Variants in MYO1D observed in about 807,000 individuals in gnomAD.
MYO1D encodes unconventional myosin-Id.
Under a neutral mutation model 122.0 loss-of-function variants are expected in MYO1D, and 83 were observed. That is an observed-to-expected ratio of 0.68 (90% CI 0.57 to 0.82). The LOEUF is 0.82. MYO1D is among the 40% of genes least tolerant of loss of function. The probability of loss-of-function intolerance (pLI) is 0.00; values close to 1 mark genes in which losing one functional copy is unlikely to be tolerated. For missense variants in MYO1D, 1,157 were observed against 1,269.5 expected, an observed-to-expected ratio of 0.91 and a Z score of 1.35; for synonymous variants, 464 against 446.9, an observed-to-expected ratio of 1.04 and a Z score of -0.48.
intron 21 of MYO1D, among the ~76,000 whole-genome samples, chr17:32,547,302 A>C (rs1460199357): frequency 6.6e-6 from 1 of 152,214 alleles, no homozygotes; most frequent in Non-Finnish European, 1.5e-5. Context: ...CCAGCACCTA[A>C]TGAGTACCTG....
intron 21 of MYO1D, among the ~76,000 whole-genome samples, chr17:32,545,195 T>TG (rs370247738): frequency 2.8e-4 from 42 of 152,338 alleles, no homozygotes; most frequent in African/African-American, 9.9e-4. Flanking sequence ...AGACTCGAGT[T>TG]GGAGTCCTAA....
chr17:32,516,368 G>C (rs757214572), intron 21 of MYO1D, among the ~76,000 whole-genome samples: 2 of 152,122 alleles, frequency 1.3e-5, no homozygotes, highest in Non-Finnish European at 2.9e-5. Context: ...GAAAGGCCCT[G>C]TGGGGGTCTC....
intron 16 of MYO1D, among the ~76,000 whole-genome samples, chr17:32,690,845 C>G (rs181648890): frequency 6.6e-6 from 1 of 152,292 alleles, no homozygotes; most frequent in East Asian, 1.9e-4. Flanking sequence ...ATAAATTACC[C>G]AGCCACAGGT....
chr17:32,569,795 C>G (rs751325214), intron 21 of MYO1D, among the ~76,000 whole-genome samples: 3 of 151,996 alleles, frequency 2.0e-5, no homozygotes, highest in Non-Finnish European at 2.9e-5. Context: ...ATCTTTAGCA[C>G]GTATAACTTG....
intron 20 of MYO1D, among the ~76,000 whole-genome samples, chr17:32,631,265 C>T (rs1313743948): frequency 6.6e-6 from 1 of 152,056 alleles, no homozygotes; most frequent in East Asian, 1.9e-4. Flanking sequence ...CTACCAAGTG[C>T]CATATGATGG....
At chr17:32,644,019 T>C (rs1432577528) in intron 19 of MYO1D, among the ~76,000 whole-genome samples, 1 of 152,208 alleles carries the variant, frequency 6.6e-6, no homozygotes, top group African/African-American at 2.4e-5. Flanking sequence ...GGGTGTCAAG[T>C]TTAGATCTTT....
chr17:32,836,330 A>G (rs772578359), intron 1 of MYO1D, among the ~76,000 whole-genome samples: 29 of 152,184 alleles, frequency 1.9e-4, no homozygotes, highest in Middle Eastern at 3.2e-3. Context: ...TTTTTCCCTC[A>G]GTTTATCAGT....
chr17:32,687,283 G>A (rs564719163), intron 16 of MYO1D, among the ~76,000 whole-genome samples: 4 of 150,184 alleles, frequency 2.7e-5, no homozygotes, highest in East Asian at 2.0e-4. Flanking sequence ...TGCAAGCTCC[G>A]CCTCCTGGGT....
At chr17:32,789,197 T>C (rs2090326808) in intron 1 of MYO1D, among the ~76,000 whole-genome samples, 2 of 152,214 alleles carry the variant, frequency 1.3e-5, no homozygotes, top group South Asian at 4.1e-4. Context: ...AGGTATATGA[T>C]CAGATCTCTG....
chr17:32,656,890 G>A (rs2088484506), intron 17 of MYO1D, among the ~76,000 whole-genome samples: 1 of 152,174 alleles, frequency 6.6e-6, no homozygotes, highest in African/African-American at 2.4e-5. Flanking sequence ...TCTGTTTCCA[G>A]TCTACAAACC....
intron 21 of MYO1D, among the ~76,000 whole-genome samples, chr17:32,511,597 G>T (rs980827824): frequency 2.8e-5 from 4 of 141,808 alleles, no homozygotes; most frequent in Non-Finnish European, 6.0e-5. Context: ...CGCCTTTGCT[G>T]TATTGAACTT....
intron 21 of MYO1D, among the ~76,000 whole-genome samples, chr17:32,535,148 T>C (rs1420383485): frequency 1.3e-5 from 2 of 152,226 alleles, no homozygotes; most frequent in Non-Finnish European, 2.9e-5. Flanking sequence ...TTATTTCTAT[T>C]AGAGGTTCTT....
intron 1 of MYO1D, among the ~76,000 whole-genome samples, chr17:32,830,814 C>T (rs1282280891): frequency 6.6e-6 from 1 of 152,188 alleles, no homozygotes. Context: ...AATCCCAGCA[C>T]TTTGGGAGAT....
At chr17:32,634,581 T>C (rs1163249830) in intron 20 of MYO1D, among the ~76,000 whole-genome samples, 2 of 152,234 alleles carry the variant, frequency 1.3e-5, no homozygotes, top group African/African-American at 4.8e-5. Flanking sequence ...CCATAGTGCG[T>C]GGCTGGAGGC....
In MYO1D at chr17:32,801,326, T is replaced by A. The variant is rs182797407; in HGVS notation, c.96-20542A>T. ...ATTTTGCTTATAATTCGTCTAAGTT[T>A]AAAAAGTCAAGGGTTTGGCCGGCGT... On this transcript the variant is annotated intron_variant, in intron 1 of 21. Coordinates refer to ENST00000318217, the MANE Select transcript of MYO1D (RefSeq NM_015194.3). 5.4e-4 allele frequency among the ~76,000 whole-genome samples: 82 copies of A among 152,340 alleles called. 1 individual carries two copies. Among genetic ancestry groups the A allele is most frequent in the African/African-American group, 1.9e-3 (78 of 41,586 alleles).
chr17:32,720,486 AACC>A (rs1021492418), intron 15 of MYO1D, among the ~76,000 whole-genome samples: 2 of 152,158 alleles, frequency 1.3e-5, no homozygotes, highest in African/African-American at 4.8e-5. Flanking sequence ...CCAGGAATCA[AACC>A]AGGCAGACTG....
intron 21 of MYO1D, among the ~76,000 whole-genome samples, chr17:32,560,533 A>C (rs1165102394): frequency 0.024 from 492 of 20,090 alleles, 60 homozygotes; most frequent in African/African-American, 0.071. Flanking sequence ...GACAACATAT[A>C]TATATATATA....
chr17:32,821,559 C>G (rs1278400075), intron 1 of MYO1D, among the ~76,000 whole-genome samples: 1 of 152,042 alleles, frequency 6.6e-6, no homozygotes, highest in Admixed American at 6.5e-5. Flanking sequence ...CACACACACA[C>G]ACACACACAT....
intron 21 of MYO1D, among the ~76,000 whole-genome samples, chr17:32,502,558 A>C (rs1323993298): frequency 2.0e-5 from 3 of 152,246 alleles, no homozygotes; most frequent in Admixed American, 2.0e-4. Flanking sequence ...GTATTTTACC[A>C]CAATAATTTT....
Sources: allele counts gnomAD v4.1 joint callset (sites outside exome capture counted in the v4.1 genomes callset), GRCh38; gene constraint gnomAD v4.1.1; transcripts MANE v1.5; gene names NCBI Gene and HGNC (gene_info 2026-07-23, HGNC 2026-07-21).